Variants in LLGL2 observed in about 807,000 individuals in gnomAD.
LLGL2 encodes LLGL scribble cell polarity complex component 2, also known as LLGL2, scribble cell polarity complex component.
LLGL2 carries 81 observed loss-of-function variants against 123.2 expected under a neutral mutation model. That is an observed-to-expected ratio of 0.66 (90% CI 0.55 to 0.79). The LOEUF is 0.79. LLGL2 is among the 30% of genes least tolerant of loss of function. LLGL2 has a pLI of 0.00. For missense variants in LLGL2, 1,273 were observed against 1,414.6 expected (o/e 0.90, Z 1.61); for synonymous variants, 577 against 594.1 (o/e 0.97, Z 0.42).
intron 1 of LLGL2, among the ~76,000 whole-genome samples, chr17:75,542,356 C>T (rs1012903868): frequency 1.3e-5 from 2 of 152,078 alleles, no homozygotes; most frequent in African/African-American, 4.8e-5. Context: ...GCCTGGAGCA[C>T]GCGCCTCCAG....
intron 1 of LLGL2, among the ~76,000 whole-genome samples, chr17:75,539,608 CTTT>C (rs540477851): frequency 3.2e-4 from 43 of 134,554 alleles, no homozygotes; most frequent in Admixed American, 1.9e-3. Context: ...TTTCTGGTTA[CTTT>C]TTTTTTTTTT....
intron 2 of LLGL2, among the ~76,000 whole-genome samples, chr17:75,550,236 G>A (rs978987661): frequency 6.6e-6 from 1 of 152,240 alleles, no homozygotes; most frequent in Non-Finnish European, 1.5e-5. Flanking sequence ...CGCGATTCAG[G>A]GTTGCTGTGT....
chr17:75,549,846 C>T lies in LLGL2; in HGVS notation c.76-6200C>T, dbSNP rs1462015014. 1.3e-5 allele frequency among the ~76,000 whole-genome samples: 2 copies of T among 152,246 alleles called. No homozygotes were observed. Among genetic ancestry groups the T allele is most frequent in the African/African-American group, 2.4e-5 (1 of 41,456 alleles). ...CTCTGACAGCCAGCCTTTGCCCACT[C>T]GCTCCCCTTCCGGGACCTGGAAAGG... On this transcript the variant is annotated intron_variant, in intron 2 of 25. Transcript: ENST00000392550. This position sits in a 1 kb window ranked among gnomAD's most constrained non-coding sequence, Gnocchi z 4.0.
chr17:75,543,283 G>C (rs542426201), intron 1 of LLGL2, 114 bp from the exon 2 acceptor site: 9 of 650,200 alleles, frequency 1.4e-5, no homozygotes, highest in South Asian at 2.2e-5. Context: ...GCCTGGCCCC[G>C]GGGTGGCAGC....
chr17:75,558,824 ACGC>A lies in LLGL2; in HGVS notation c.371+199_371+201del. ...GCAGCCTGCCTCCTCCATCCACACC[ACGC>A]CTCCTCCATCCGCACCCCACCTCCT... On this transcript the variant is annotated intron_variant, in intron 5 of 25. Transcript: ENST00000392550. The surrounding 1 kb of genome is among the most constrained non-coding windows in gnomAD (Gnocchi z 4.0). Among the ~76,000 whole-genome samples the A allele has an allele frequency of 9.0e-6, 1 of 111,472 alleles. No homozygotes were observed. Among genetic ancestry groups the A allele is most frequent in the East Asian group, 2.5e-4 (1 of 4,074 alleles). The allele number at this position is 111,472 out of a possible 152,430, so 73.1% of individuals were successfully genotyped here.
Position 75,558,274 on chromosome 17 carries a change from G to T in LLGL2, c.255+38G>T. The T allele has an allele frequency of 6.4e-7, 1 of 1,564,936 alleles. No homozygotes were observed. The highest frequency in any genetic ancestry group is 8.8e-7 in the Non-Finnish European group (1 of 1,141,306). Reference sequence around the variant, plus strand: ...GGGTGGGACAGGAAGCCACTTCCATGCCCTCCTTGCCTTCACTGCTTCCAG... The same window carrying T: ...GGGTGGGACAGGAAGCCACTTCCATTCCCTCCTTGCCTTCACTGCTTCCAG... On this transcript the variant is annotated intron_variant, in intron 4 of 25. Transcript: ENST00000392550. This position sits in a 1 kb window ranked among gnomAD's most constrained non-coding sequence, Gnocchi z 4.0.
In LLGL2 at chr17:75,559,618, G is replaced by T. The variant is rs907294272; in HGVS notation, c.530+208G>T. On this transcript the variant is annotated intron_variant, in intron 6 of 25. Coordinates refer to ENST00000392550, the MANE Select transcript of LLGL2 (RefSeq NM_001031803.2). This position sits in a 1 kb window ranked among gnomAD's most constrained non-coding sequence, Gnocchi z 4.6. The stretch of plus-strand genomic sequence containing the variant: ...TTAGCATCATAGCACTAAAAAGGGG[G>T]CTTTGAGGGTCCCTCGTCTAAAGGC... 6.6e-6 allele frequency among the ~76,000 whole-genome samples: 1 copy of T among 152,208 alleles called. No individual in the cohort carries two copies. Among genetic ancestry groups the T allele is most frequent in the African/African-American group, 2.4e-5 (1 of 41,452 alleles).
chr17:75,547,756 C>T (rs111317355), intron 2 of LLGL2, among the ~76,000 whole-genome samples: 1 of 151,194 alleles, frequency 6.6e-6, no homozygotes, highest in African/African-American at 2.4e-5. Context: ...ACCCTGGAGG[C>T]GGAGATTGCA....
At chr17:75,547,177 G>A (rs2054468965) in intron 2 of LLGL2, among the ~76,000 whole-genome samples, 1 of 152,212 alleles carries the variant, frequency 6.6e-6, no homozygotes. Flanking sequence ...TCGCCCCGGG[G>A]GTCCTGAGAG....
At position 75,543,269 on chromosome 17, in the gene LLGL2, G is replaced by A. The variant is rs1247495258; in HGVS notation, c.-30-128G>A. On this transcript the variant is annotated intron_variant, in intron 1 of 25. Coordinates refer to ENST00000392550, the MANE Select transcript of LLGL2 (RefSeq NM_001031803.2). ...AGGGTGCATGGGCGGTCACTGTGAA[G>A]CTGGCCTGGCCCCGGGGTGGCAGCC... The A allele has an allele frequency of 6.9e-6, 4 of 578,988 alleles. No individual in the cohort carries two copies. The Admixed American group carries it at 1.2e-4, about 17-fold the overall frequency. The allele number at this position is 578,988 out of a possible 1,614,324, so 35.9% of individuals were successfully genotyped here.
Position 75,568,657 on chromosome 17 carries a change from C to T in LLGL2, c.1218C>T (p.Ala406=), listed in dbSNP as rs544146253. 2.0e-5 allele frequency: 33 copies of T among 1,613,752 alleles called. No homozygotes were observed. In the East Asian group the frequency reaches 4.7e-4, roughly 23 times the overall value. Residue 406 remains alanine (A), a synonymous_variant, in exon 11 of 26, where the codon GCC becomes GCT. Transcript: ENST00000392550. ...TGAAGCTGTGGGAGCGGATCATTGC[C>T]GCCGGCAGCCGGCAGAACGCACACT... The part of the protein sequence containing the change: ...IPLKLWERII[A]AGSRQNAHFS...
chr17:75,533,630 G>A (rs1035225576), intron 1 of LLGL2: 1 of 152,078 alleles, frequency 6.6e-6, no homozygotes, highest in African/African-American at 2.4e-5. Context: ...GATGCCTCTT[G>A]TGTGGTTCTA....
intron 19 of LLGL2, among the ~76,000 whole-genome samples, 195 bp from the exon 20 acceptor site, chr17:75,572,819 C>T (rs1315901001): frequency 7.4e-5 from 11 of 148,994 alleles, no homozygotes; most frequent in Admixed American, 3.3e-4. Context: ...GACTCCATCT[C>T]GGAGGAAAAA....
chr17:75,563,849 T>C (rs1022389293), intron 9 of LLGL2, 43 bp downstream of exon 9: 16 of 1,600,054 alleles, frequency 1.0e-5, no homozygotes, highest in Admixed American at 1.7e-5. Flanking sequence ...AGAGCCTTCC[T>C]GGAGGGCTAG....
rs112112336 is a variant in LLGL2, at chr17:75,558,846, A to G, written c.371+219A>G. On this transcript the variant is annotated intron_variant, in intron 5 of 25. Coordinates refer to ENST00000392550, the MANE Select transcript of LLGL2 (RefSeq NM_001031803.2). The surrounding 1 kb of genome is among the most constrained non-coding windows in gnomAD (Gnocchi z 4.0). ...ACCACGCCTCCTCCATCCGCACCCC[A>G]CCTCCTCCATCCGCACCCCGCCTCC... is the stretch of plus-strand genomic sequence containing the variant. 0.083 allele frequency: 23,966 copies of G among 288,384 alleles called. 3,162 individuals are homozygous for G. The highest frequency in any genetic ancestry group is 0.36 in the African/African-American group (8,337 of 23,182). The allele number at this position is 288,384 out of a possible 1,614,324, so 17.9% of individuals were successfully genotyped here. A position where few individuals can be genotyped will look rare whatever the true frequency, so the allele number is the denominator to read the frequency against.
intron 1 of LLGL2, among the ~76,000 whole-genome samples, chr17:75,535,581 A>C (rs1447316695): frequency 6.6e-6 from 1 of 152,240 alleles, no homozygotes; most frequent in African/African-American, 2.4e-5. Context: ...ACAGGGACAA[A>C]TTAGCCCAGG....
intron 2 of LLGL2, among the ~76,000 whole-genome samples, chr17:75,548,335 T>C (rs2054521437): frequency 1.3e-5 from 2 of 149,912 alleles, no homozygotes; most frequent in Non-Finnish European, 1.5e-5. Context: ...TGGAGTGCAA[T>C]GGTACCATCT....
Position 75,549,777 on chromosome 17 carries a change from G to T in LLGL2, c.76-6269G>T, listed in dbSNP as rs1030435826. 1.3e-5 allele frequency among the ~76,000 whole-genome samples: 2 copies of T among 152,162 alleles called. No individual in the cohort carries two copies. Among genetic ancestry groups the T allele is most frequent in the African/African-American group, 4.8e-5 (2 of 41,438 alleles). On this transcript the variant is annotated intron_variant, in intron 2 of 25. Transcript: ENST00000392550. The surrounding 1 kb of genome is among the most constrained non-coding windows in gnomAD (Gnocchi z 4.0). ...ACTCCTCCTCAGGTCCTAGCCCTTGGGCAGGGTCCTCCCTGGCTGCAGGCA... is the reference window on the plus strand; with the variant it reads ...ACTCCTCCTCAGGTCCTAGCCCTTGTGCAGGGTCCTCCCTGGCTGCAGGCA...
Position 75,558,524 on chromosome 17 carries a change from A to T in LLGL2, c.268A>T (p.Thr90Ser). ...HLLPGQCQLV[T>S]LLDDNSLHLW... ...GTGCCCTCGCCAGTGCCAGCTGGTC[A>T]CCCTGCTGGATGACAACAGCCTGCA... Residue 90 changes from threonine (T) to serine (S), a missense_variant, in exon 5 of 26, where the codon ACC (threonine) becomes TCC (serine). Physicochemically the swap from Thr to Ser is moderately conservative, Grantham distance 58. Coordinates refer to ENST00000392550, the MANE Select transcript of LLGL2 (RefSeq NM_001031803.2). This position sits in a 1 kb window ranked among gnomAD's most constrained non-coding sequence, Gnocchi z 4.0. The T allele has an allele frequency of 6.3e-7, 1 of 1,598,998 alleles. No homozygotes were observed. Among genetic ancestry groups the T allele is most frequent in the Non-Finnish European group, 8.5e-7 (1 of 1,173,350 alleles).
Sources: allele counts gnomAD v4.1 joint callset (sites outside exome capture counted in the v4.1 genomes callset), GRCh38; gene constraint gnomAD v4.1.1; non-coding constraint Gnocchi (gnomAD v3.1); transcripts MANE v1.5; gene names NCBI Gene and HGNC (gene_info 2026-07-23, HGNC 2026-07-21).